The following FGF12 variants were observed in gnomAD, a reference collection of about 807,000 sequenced individuals.
The protein encoded by FGF12 is fibroblast growth factor 12.
In FGF12, 14 loss-of-function variants were observed where a neutral mutation model predicts 23.6. That is an observed-to-expected ratio of 0.59 (90% CI 0.39 to 0.93). FGF12 has a LOEUF of 0.93. Among genes scored for constraint, FGF12 ranks in the 40% least tolerant of loss-of-function variants. FGF12 has a pLI of 0.00. For synonymous variants in FGF12, 62 were observed against 77.3 expected, an observed-to-expected ratio of 0.80 and a Z score of 1.04; for missense variants, 175 against 217.8, an observed-to-expected ratio of 0.80 and a Z score of 1.24.
rs1351356894 is a variant in FGF12 at position 192,620,246 on chromosome 3, G to A, written c.13+106935C>T. ...CAAGATCAATTACACACACACGCGC[G>A]CGCGCGCGCACGCACACACACACAC... On this transcript the variant is annotated intron_variant, in intron 2 of 5. Coordinates refer to ENST00000445105, the MANE Select transcript of FGF12 (RefSeq NM_004113.6). 1.2e-4 allele frequency among the ~76,000 whole-genome samples: 9 copies of A among 76,206 alleles called. No individual in the cohort carries two copies. The East Asian group carries it at 1.3e-3, about 11-fold the overall frequency. 50.0% of individuals were successfully genotyped at this position (76,206 alleles called of 152,430 possible).
intron 2 of FGF12, among the ~76,000 whole-genome samples, chr3:192,644,968 T>C (rs1260410916): frequency 6.6e-6 from 1 of 152,018 alleles, no homozygotes; most frequent in Non-Finnish European, 1.5e-5. Flanking sequence ...TGACTATAAG[T>C]TTGTTAAGTA....
At chr3:192,565,056 C>T (rs1387276713) in intron 2 of FGF12, among the ~76,000 whole-genome samples, 2 of 152,160 alleles carry the variant, frequency 1.3e-5, no homozygotes, top group Non-Finnish European at 2.9e-5. Context: ...TTGGTGAATG[C>T]TCAATAAATA....
intron 2 of FGF12, among the ~76,000 whole-genome samples, chr3:192,458,551 T>C (rs1722756376): frequency 6.6e-6 from 1 of 152,196 alleles, no homozygotes; most frequent in Non-Finnish European, 1.5e-5. Context: ...AACCCCTTTG[T>C]TTTAGCCAAT....
intron 2 of FGF12, among the ~76,000 whole-genome samples, chr3:192,614,036 C>T (rs779833254): frequency 2.6e-5 from 4 of 151,886 alleles, no homozygotes; most frequent in Non-Finnish European, 4.4e-5. Context: ...TTGTCCTTCC[C>T]CATTGCTTCC....
At chr3:192,269,545 T>C (rs1486043589) in intron 4 of FGF12, among the ~76,000 whole-genome samples, 2 of 152,164 alleles carry the variant, frequency 1.3e-5, no homozygotes, top group Admixed American at 6.6e-5. Flanking sequence ...CCTAATAATA[T>C]TACTGTTAGG....
chr3:192,678,065 A>G (rs1254945244), intron 2 of FGF12, among the ~76,000 whole-genome samples: 1 of 152,192 alleles, frequency 6.6e-6, no homozygotes, highest in Non-Finnish European at 1.5e-5. Flanking sequence ...TTGGGTTTTC[A>G]ATTATACAAG....
At chr3:192,523,864 T>G (rs753066356) in intron 2 of FGF12, among the ~76,000 whole-genome samples, 4 of 152,134 alleles carry the variant, frequency 2.6e-5, no homozygotes, top group Non-Finnish European at 4.4e-5. Flanking sequence ...GTGATTCTGA[T>G]TGCCGAGGAG....
intron 2 of FGF12, among the ~76,000 whole-genome samples, chr3:192,486,102 A>C (rs959926159): frequency 3.9e-5 from 6 of 152,132 alleles, no homozygotes; most frequent in Non-Finnish European, 8.8e-5. Flanking sequence ...ATCTAGGTCC[A>C]AAGAATACAG....
intron 4 of FGF12, among the ~76,000 whole-genome samples, chr3:192,253,965 T>C (rs1000689180): frequency 1.3e-5 from 2 of 152,048 alleles, no homozygotes; most frequent in Non-Finnish European, 2.9e-5. Flanking sequence ...TTGAAATATA[T>C]ATACATTGTT....
chr3:192,509,142 G>C lies in FGF12; in HGVS notation c.14-148604C>G, dbSNP rs1724397880. Among the ~76,000 whole-genome samples the C allele has an allele frequency of 4.6e-5, 7 of 152,150 alleles. No individual in the cohort carries two copies. The South Asian group carries it at 1.2e-3, about 27-fold the overall frequency. ...CTCTAACTTTCTAATCTCAGATGGAGAGGGAAAGAAAGAAGGGAGGGGTGG... is the reference window on the plus strand; with the variant it reads ...CTCTAACTTTCTAATCTCAGATGGACAGGGAAAGAAAGAAGGGAGGGGTGG... On this transcript the variant is annotated intron_variant, in intron 2 of 5. Transcript: ENST00000445105.
At chr3:192,342,891 T>C (rs1211623569) in intron 3 of FGF12, among the ~76,000 whole-genome samples, 1 of 151,986 alleles carries the variant, frequency 6.6e-6, no homozygotes, top group Non-Finnish European at 1.5e-5. Flanking sequence ...GTACACACCA[T>C]ATTATTCCAG....
At chr3:192,377,964 T>C (rs1719597258) in intron 2 of FGF12, among the ~76,000 whole-genome samples, 1 of 143,590 alleles carries the variant, frequency 7.0e-6, no homozygotes, top group South Asian at 2.1e-4. Flanking sequence ...CAGGAAAAAA[T>C]GTCTTTTCTG....
intron 5 of FGF12, among the ~76,000 whole-genome samples, chr3:192,158,332 C>CTTTCTTTCTTTCTTTCTTTCT (rs1459698854): frequency 5.3e-5 from 6 of 112,446 alleles, no homozygotes; most frequent in East Asian, 3.1e-4. Context: ...TTCTTTCTTT[C>CTTTCTTTCTTTCTTTCTTTCT]TCTTTCTTTC....
intron 2 of FGF12, among the ~76,000 whole-genome samples, chr3:192,441,175 C>T (rs756740159): frequency 1.2e-4 from 19 of 152,138 alleles, no homozygotes; most frequent in Non-Finnish European, 2.4e-4. Flanking sequence ...TCAACTGCCT[C>T]CATTATAAAT....
chr3:192,629,307 C>A (rs1715299291), intron 2 of FGF12, among the ~76,000 whole-genome samples: 1 of 152,186 alleles, frequency 6.6e-6, no homozygotes, highest in African/African-American at 2.4e-5. Flanking sequence ...GAAAGTTTTT[C>A]CCTTGTCCTG....
chr3:192,183,089 C>T (rs185265032), intron 4 of FGF12, among the ~76,000 whole-genome samples: 13 of 152,216 alleles, frequency 8.5e-5, no homozygotes, highest in Non-Finnish European at 1.6e-4. Flanking sequence ...GAAGGAGAAA[C>T]GTGGACTGGG....
chr3:192,360,464 T>A lies in FGF12; in HGVS notation c.88A>T (p.Thr30Ser). 1 of 1,613,180 alleles carries A rather than the reference T, an allele frequency of 6.2e-7. No individual in the cohort carries two copies. The highest frequency in any genetic ancestry group is 8.5e-7 in the Non-Finnish European group (1 of 1,179,130). ...GYFLQMHPDG[T>S]IDGTKDENSD... Reference sequence around the variant, plus strand: ...TTTTCGTCCTTGGTCCCATCAATGGTACCATCTGGGTGCATCTGCAGGAAG... The same window carrying A: ...TTTTCGTCCTTGGTCCCATCAATGGAACCATCTGGGTGCATCTGCAGGAAG... The change falls in exon 3 of 6, where the codon ACC becomes TCC. Residue 30 changes from threonine to serine, a missense_variant. Transcript: ENST00000445105. This position sits in a 1 kb window ranked among gnomAD's most constrained non-coding sequence, Gnocchi z 4.3.
intron 2 of FGF12, among the ~76,000 whole-genome samples, chr3:192,570,795 A>T (rs768341914): frequency 3.3e-5 from 5 of 152,238 alleles, no homozygotes; most frequent in Non-Finnish European, 7.3e-5. Context: ...AAAAAAGTTC[A>T]CTGTAACAGT....
At chr3:192,695,892 A>C (rs909593121) in intron 2 of FGF12, among the ~76,000 whole-genome samples, 4 of 152,174 alleles carry the variant, frequency 2.6e-5, no homozygotes, top group Non-Finnish European at 5.9e-5. Flanking sequence ...TAAGGTCAGA[A>C]GTTCAAGACC....
Sources: gnomAD v4.1 joint callset for allele counts (sites outside exome capture counted in the v4.1 genomes callset) on GRCh38, gnomAD v4.1.1 for gene constraint, Gnocchi (gnomAD v3.1) non-coding constraint, MANE v1.5 for transcripts, NCBI Gene and HGNC (gene_info 2026-07-23, HGNC 2026-07-21) for gene names.